Variants in PLBD1 observed in about 807,000 individuals in gnomAD.
PLBD1 encodes the protein lysosomal leucine aminopeptidase.
Under a neutral mutation model 63.0 loss-of-function variants are expected in PLBD1, and 60 were observed. That is an observed-to-expected ratio of 0.95 (90% CI 0.77 to 1.18). The LOEUF (loss-of-function observed/expected upper bound fraction) is 1.18. Ranked by LOEUF, PLBD1 falls within the 50% of genes most tolerant of loss-of-function variation. The probability of loss-of-function intolerance (pLI) is 0.00; values close to 1 mark genes in which losing one functional copy is unlikely to be tolerated. For synonymous variants in PLBD1, 262 were observed against 248.0 expected (o/e 1.06, Z -0.53); for missense variants, 598 against 677.9 (o/e 0.88, Z 1.31).
At chr12:14,511,049 C>T (rs545542839) in intron 8 of PLBD1, among the ~76,000 whole-genome samples, 93 of 152,266 alleles carry the variant, frequency 6.1e-4, no homozygotes, top group African/African-American at 2.0e-3. Flanking sequence ...GCCTGATTTG[C>T]GTCCCAATCT....
chr12:14,566,732 T>C (rs1465549410), intron 1 of PLBD1, among the ~76,000 whole-genome samples: 1 of 151,618 alleles, frequency 6.6e-6, no homozygotes, highest in Admixed American at 6.6e-5. Flanking sequence ...GAATTACTTC[T>C]GATCAATCTC....
At chr12:14,509,841 G>A (rs887870863) in intron 8 of PLBD1, among the ~76,000 whole-genome samples, 1 of 152,106 alleles carries the variant, frequency 6.6e-6, no homozygotes, top group Non-Finnish European at 1.5e-5. Flanking sequence ...GAACTGTCCA[G>A]TAGGATTTTT....
chr12:14,510,667 A>G (rs566156066), intron 8 of PLBD1, among the ~76,000 whole-genome samples: 1 of 152,306 alleles, frequency 6.6e-6, no homozygotes, highest in Admixed American at 6.5e-5. Flanking sequence ...TGAGATTTTA[A>G]GGAACTGAGA....
At chr12:14,552,995 C>T (rs920239539) in intron 2 of PLBD1, among the ~76,000 whole-genome samples, 198 bp downstream of exon 2, 1 of 152,176 alleles carries the variant, frequency 6.6e-6, no homozygotes, top group Non-Finnish European at 1.5e-5. Context: ...CACTGCACTC[C>T]AGCCTGGCAA....
At chr12:14,554,908 G>A (rs769905259) in intron 1 of PLBD1, among the ~76,000 whole-genome samples, 1 of 151,908 alleles carries the variant, frequency 6.6e-6, no homozygotes, top group Non-Finnish European at 1.5e-5. Context: ...TGATTCCATC[G>A]CACTAGAGAT....
intron 4 of PLBD1, among the ~76,000 whole-genome samples, chr12:14,539,753 T>C (rs543595198): frequency 1.5e-4 from 23 of 150,796 alleles, no homozygotes; most frequent in African/African-American, 5.4e-4. Context: ...GCCACTGCAC[T>C]CCAGCCTGGG....
chr12:14,563,447 G>A (rs1945757421), intron 1 of PLBD1, among the ~76,000 whole-genome samples: 1 of 152,130 alleles, frequency 6.6e-6, no homozygotes, highest in Non-Finnish European at 1.5e-5. Flanking sequence ...GAACCTGGGA[G>A]GCGGAGGTTG....
At chr12:14,546,537 T>C (rs1387285585) in intron 2 of PLBD1, among the ~76,000 whole-genome samples, 3 of 152,138 alleles carry the variant, frequency 2.0e-5, no homozygotes, top group African/African-American at 7.2e-5. Context: ...GATAAGGCAG[T>C]AGTTCTCAAC....
chr12:14,506,212 C>CA lies in PLBD1; in HGVS notation c.1428dup (p.Glu477Ter). 1.2e-6 allele frequency: 2 copies of CA among 1,613,312 alleles called. No homozygotes were observed. The highest frequency in any genetic ancestry group is 1.7e-6 in the Non-Finnish European group (2 of 1,179,524). ...CTTGGGTTAGGTGAGTTCAGGTCCT[C>CA]ACGGCAGCAGATGGTATTACAGGGG... On this transcript the variant is annotated frameshift_variant, in exon 10 of 11. Coordinates refer to ENST00000240617, the MANE Select transcript of PLBD1 (RefSeq NM_024829.6). LOFTEE classifies it high-confidence loss of function.
intron 1 of PLBD1, among the ~76,000 whole-genome samples, chr12:14,557,273 A>T (rs1320954670): frequency 2.6e-5 from 4 of 152,124 alleles, no homozygotes; most frequent in Admixed American, 6.6e-5. Context: ...AGACCTAAAA[A>T]CAGAAATACC....
At chr12:14,527,165 C>T (rs1945423083) in intron 6 of PLBD1, among the ~76,000 whole-genome samples, 1 of 152,124 alleles carries the variant, frequency 6.6e-6, no homozygotes, top group Non-Finnish European at 1.5e-5. Flanking sequence ...AGACATCTAG[C>T]CCCATCTCTA....
intron 1 of PLBD1, among the ~76,000 whole-genome samples, chr12:14,559,905 G>A (rs1231570436): frequency 1.3e-5 from 2 of 149,900 alleles, no homozygotes; most frequent in African/African-American, 4.9e-5. Flanking sequence ...TTATTGCCCA[G>A]GCTGGAGTGC....
At chr12:14,522,838 C>T (rs1414946648) in intron 6 of PLBD1, among the ~76,000 whole-genome samples, 2 of 151,998 alleles carry the variant, frequency 1.3e-5, no homozygotes, top group Non-Finnish European at 2.9e-5. Flanking sequence ...ACACTCTCAA[C>T]AAAACAGATA....
chr12:14,520,162 G>C (rs969567941), intron 6 of PLBD1, among the ~76,000 whole-genome samples: 1 of 152,146 alleles, frequency 6.6e-6, no homozygotes, highest in South Asian at 2.1e-4. Context: ...ACACTGCCAG[G>C]GTTCCCAACT....
chr12:14,525,338 A>C (rs1945408584), intron 6 of PLBD1, among the ~76,000 whole-genome samples: 1 of 152,108 alleles, frequency 6.6e-6, no homozygotes. Flanking sequence ...ATTAATGGGA[A>C]TCATCCAATC....
In PLBD1 at chr12:14,562,957, C is replaced by T. The variant is rs193276023; in HGVS notation, c.115+4625G>A. On this transcript the variant is annotated intron_variant, in intron 1 of 10. Transcript: ENST00000240617. ...GCATGTCAACACTCAAGACAAAGTTCATATGTTTCTTAGCATATATATTAT... is the reference window on the plus strand; with the variant it reads ...GCATGTCAACACTCAAGACAAAGTTTATATGTTTCTTAGCATATATATTAT... Among the ~76,000 whole-genome samples the T allele has an allele frequency of 5.1e-4, 77 of 152,214 alleles. 2 individuals are homozygous for T. Among genetic ancestry groups the T allele is most frequent in the African/African-American group, 1.8e-3 (76 of 41,536 alleles).
At chr12:14,550,979 G>C (rs1427801175) in intron 2 of PLBD1, among the ~76,000 whole-genome samples, 1 of 152,076 alleles carries the variant, frequency 6.6e-6, no homozygotes, top group Non-Finnish European at 1.5e-5. Flanking sequence ...GGAGGTCAAG[G>C]CTGCAGTGAG....
In PLBD1 at chr12:14,511,728, T is replaced by A. The variant is rs1380979353; in HGVS notation, c.845-17A>T. Reference sequence around the variant, plus strand: ...CCAAAAACCCTACAGGAAAGACAAATATACACATCAGCATATGTATACATG... The same window carrying A: ...CCAAAAACCCTACAGGAAAGACAAAAATACACATCAGCATATGTATACATG... On this transcript the variant is annotated splice_polypyrimidine_tract_variant and intron_variant, in intron 6 of 10. Coordinates refer to ENST00000240617, the MANE Select transcript of PLBD1 (RefSeq NM_024829.6). 4 of 1,602,618 alleles carry A rather than the reference T, an allele frequency of 2.5e-6. No homozygotes were observed. The highest frequency in any genetic ancestry group is 3.4e-6 in the Non-Finnish European group (4 of 1,169,772).
intron 4 of PLBD1, among the ~76,000 whole-genome samples, chr12:14,537,790 T>C (rs1945531672): frequency 6.6e-6 from 1 of 152,204 alleles, no homozygotes; most frequent in Non-Finnish European, 1.5e-5. Flanking sequence ...TTTATTTATA[T>C]AAATATCATC....
Sources: allele counts gnomAD v4.1 joint callset (sites outside exome capture counted in the v4.1 genomes callset), GRCh38; gene constraint gnomAD v4.1.1; transcripts MANE v1.5; gene names NCBI Gene and HGNC (gene_info 2026-07-23, HGNC 2026-07-21).